Variants in SLF2 observed in about 807,000 individuals in gnomAD.
SLF2 encodes SMC5-SMC6 complex localization factor protein 2.
Under a neutral mutation model 124.3 loss-of-function variants are expected in SLF2, and 68 were observed. The observed-to-expected ratio is 0.55, with a 90% CI of 0.45 to 0.67. The LOEUF is 0.67. SLF2 is among the 30% of genes least tolerant of loss of function. The pLI is 0.00. For synonymous variants in SLF2, 480 were observed against 478.8 expected, an observed-to-expected ratio of 1.00 and a Z score of -0.03; for missense variants, 1,246 against 1,373.7, an observed-to-expected ratio of 0.91 and a Z score of 1.47.
rs71013477 is a variant in SLF2, at chr10:100,957,330, ATTTTTT to A, written c.3417+825_3417+830del. Among the ~76,000 whole-genome samples, 605 of 91,712 alleles carry A rather than the reference ATTTTTT, an allele frequency of 6.6e-3. 20 individuals carry two copies. The highest frequency in any genetic ancestry group is 0.024 in the African/African-American group (374 of 15,548). 60.2% of individuals were successfully genotyped at this position (91,712 alleles called of 152,430 possible). A position where few individuals can be genotyped will look rare whatever the true frequency, so the allele number is the denominator to read the frequency against. ...AATATGTTAAAGGAAGGAGTCTTCA[ATTTTTT>A]TTTTTTTTTTTTTTTTTTTTTTTTT... On this transcript the variant is annotated intron_variant, in intron 18 of 19. Coordinates refer to ENST00000238961, the MANE Select transcript of SLF2 (RefSeq NM_018121.4).
chr10:100,944,671 G>A (rs1356869433), intron 12 of SLF2, among the ~76,000 whole-genome samples: 1 of 152,116 alleles, frequency 6.6e-6, no homozygotes, highest in East Asian at 1.9e-4. Flanking sequence ...GAAACCAATA[G>A]TTTTTTATAA....
Position 100,959,298 on chromosome 10 carries a change from T to G in SLF2, c.3418-130T>G. The G allele has an allele frequency of 4.1e-6, 3 of 723,398 alleles. No homozygotes were observed. In the East Asian group the frequency reaches 8.4e-5, roughly 20 times the overall value. 44.8% of individuals were successfully genotyped at this position (723,398 alleles called of 1,614,324 possible). On this transcript the variant is annotated intron_variant, in intron 18 of 19. Coordinates refer to ENST00000238961, the MANE Select transcript of SLF2 (RefSeq NM_018121.4). Reference sequence around the variant, plus strand: ...AGATGAGTAGTTTATTTTCTCTTTGTTGACAGAAATCAAATTGAGTTGTTG... The same window carrying G: ...AGATGAGTAGTTTATTTTCTCTTTGGTGACAGAAATCAAATTGAGTTGTTG...
At chr10:100,921,149 G>A (rs913271324) in intron 4 of SLF2, among the ~76,000 whole-genome samples, 4 of 152,140 alleles carry the variant, frequency 2.6e-5, no homozygotes, top group African/African-American at 4.8e-5. Context: ...TGAATTGTGA[G>A]GGGAAATTTA....
chr10:100,937,347 G>C (rs1564777968), intron 9 of SLF2, 55 bp from the exon 10 acceptor site: 3 of 1,359,226 alleles, frequency 2.2e-6, no homozygotes, highest in Non-Finnish European at 3.2e-6. Context: ...AGCAAATAAT[G>C]AATGTTTGTG....
chr10:100,947,960 T>C (rs1008883889), intron 15 of SLF2, 113 bp downstream of exon 15: 2 of 659,990 alleles, frequency 3.0e-6, no homozygotes, highest in African/African-American at 3.6e-5. Context: ...GCTCTTAAGC[T>C]TGATACTGTT....
intron 6 of SLF2, among the ~76,000 whole-genome samples, chr10:100,927,952 C>T (rs141623169): frequency 1.4e-5 from 2 of 146,774 alleles, no homozygotes; most frequent in African/African-American, 5.0e-5. Context: ...GTGGGTGGGG[C>T]GGTTCACACA....
At chr10:100,936,930 C>T (rs1849875372) in intron 9 of SLF2, among the ~76,000 whole-genome samples, 1 of 151,682 alleles carries the variant, frequency 6.6e-6, no homozygotes, top group African/African-American at 2.4e-5. Flanking sequence ...ATTCCACCTT[C>T]TCCACGTATC....
chr10:100,917,736 T>C (rs933478858), intron 3 of SLF2, among the ~76,000 whole-genome samples: 1 of 152,016 alleles, frequency 6.6e-6, no homozygotes. Context: ...GCCACCATAT[T>C]TGACTAATTT....
At chr10:100,955,202 AG>A (rs1850307546) in intron 17 of SLF2, among the ~76,000 whole-genome samples, 1 of 151,680 alleles carries the variant, frequency 6.6e-6, no homozygotes, top group Admixed American at 6.6e-5. Flanking sequence ...GGCCTCCCAA[AG>A]TGTTGGAATT....
chr10:100,942,727 C>A (rs1227373974), intron 11 of SLF2, among the ~76,000 whole-genome samples: 1 of 152,188 alleles, frequency 6.6e-6, no homozygotes, highest in Admixed American at 6.5e-5. Flanking sequence ...CCATGTTGGC[C>A]AGGCTGGTCT....
chr10:100,961,505 G>A (rs1251258816), intron 19 of SLF2, among the ~76,000 whole-genome samples: 1 of 151,992 alleles, frequency 6.6e-6, no homozygotes, highest in East Asian at 1.9e-4. Flanking sequence ...TGTTGTTTTT[G>A]TATTTGTTTC....
chr10:100,955,474 G>A lies in SLF2; in HGVS notation c.3331-977G>A, dbSNP rs185462385. On this transcript the variant is annotated intron_variant, in intron 17 of 19. Transcript: ENST00000238961. Reference sequence around the variant, plus strand: ...ACCAAATATCAAATGGGCCAGTGTTGTGCTAGCGAGTCGCAGTGGCTCATG... The same window carrying A: ...ACCAAATATCAAATGGGCCAGTGTTATGCTAGCGAGTCGCAGTGGCTCATG... Among the ~76,000 whole-genome samples the A allele has an allele frequency of 2.2e-4, 34 of 152,216 alleles. No homozygotes were observed. The East Asian group carries it at 5.8e-3, about 26-fold the overall frequency.
At chr10:100,946,652 G>A (rs377145826) in intron 13 of SLF2, among the ~76,000 whole-genome samples, 1 of 151,998 alleles carries the variant, frequency 6.6e-6, no homozygotes, top group African/African-American at 2.4e-5. Context: ...AAAAATACTG[G>A]AATAGGATCC....
chr10:100,948,119 G>A (rs1302791498), intron 15 of SLF2, among the ~76,000 whole-genome samples: 2 of 152,184 alleles, frequency 1.3e-5, no homozygotes, highest in Admixed American at 1.3e-4. Flanking sequence ...ATCATAATGT[G>A]CAATTATATG....
At chr10:100,941,133 C>T (rs1299398298) in intron 11 of SLF2, among the ~76,000 whole-genome samples, 1 of 152,094 alleles carries the variant, frequency 6.6e-6, no homozygotes, top group Non-Finnish European at 1.5e-5. Context: ...AGCCACTGCA[C>T]CTGGCCATCA....
chr10:100,948,849 G>C (rs1225993969), intron 15 of SLF2, among the ~76,000 whole-genome samples: 1 of 152,156 alleles, frequency 6.6e-6, no homozygotes, highest in African/African-American at 2.4e-5. Flanking sequence ...TCACGCCACC[G>C]CACTCCAGCC....
chr10:100,948,821 G>C (rs1432527706), intron 15 of SLF2, among the ~76,000 whole-genome samples: 1 of 152,178 alleles, frequency 6.6e-6, no homozygotes, highest in Non-Finnish European at 1.5e-5. Flanking sequence ...AGGAGGTGGA[G>C]CTTGCAGTGA....
chr10:100,944,444 G>A (rs1330984660), intron 12 of SLF2, among the ~76,000 whole-genome samples: 34 of 150,550 alleles, frequency 2.3e-4, no homozygotes, highest in East Asian at 2.0e-3. Context: ...GCAGTGAGCC[G>A]GGATCGTGCC....
At chr10:100,917,435 G>A (rs959895317) in intron 3 of SLF2, 135 bp downstream of exon 3, 17 of 1,015,846 alleles carry the variant, frequency 1.7e-5, no homozygotes, top group Non-Finnish European at 2.2e-5. Flanking sequence ...AGTTTGTGTA[G>A]AAGCTGGTTT....
Sources: allele counts gnomAD v4.1 joint callset (sites outside exome capture counted in the v4.1 genomes callset), GRCh38; gene constraint gnomAD v4.1.1; transcripts MANE v1.5; gene names NCBI Gene and HGNC (gene_info 2026-07-23, HGNC 2026-07-21).